Variants in ATIC observed in about 807,000 individuals in gnomAD.
ATIC encodes bifunctional purine biosynthesis protein ATIC.
A neutral mutation model predicts 72.5 loss-of-function variants in ATIC; 64 were observed. That is an observed-to-expected ratio of 0.88 (90% CI 0.72 to 1.09). The LOEUF (loss-of-function observed/expected upper bound fraction) is 1.09. Among genes scored for constraint, ATIC ranks in the 50% least tolerant of loss-of-function variants. ATIC has a pLI of 0.00. For synonymous variants in ATIC, 281 were observed against 267.1 expected, an observed-to-expected ratio of 1.05 and a Z score of -0.51; for missense variants, 787 against 732.4, an observed-to-expected ratio of 1.07 and a Z score of -0.86.
chr2:215,349,832 A>G (rs2053115848), downstream of ATIC: 1 of 1,153,588 alleles, frequency 8.7e-7, no homozygotes, highest in East Asian at 2.5e-5. Context: ...CATGACACAT[A>G]ACACATAAAT....
Position 215,326,024 on chromosome 2 carries a change from C to A in ATIC, c.417C>A (p.His139Gln), listed in dbSNP as rs775773173. Reference protein sequence around the residue: ...VTLLRAAAKNHARVTVVCEPE... With the variant: ...VTLLRAAAKNQARVTVVCEPE... ...TACTGAGAGCTGCAGCCAAAAACCA[C>A]GCTCGAGTGACAGTGGTGTGTGAAC... The change falls in exon 6 of 16, where the codon CAC becomes CAA. Residue 139 changes from histidine to glutamine, a missense_variant. Coordinates refer to ENST00000236959, the MANE Select transcript of ATIC (RefSeq NM_004044.7). 2 of 1,614,050 alleles carry A rather than the reference C, an allele frequency of 1.2e-6. No individual in the cohort carries two copies. Among genetic ancestry groups the A allele is most frequent in the East Asian group, 4.5e-5 (2 of 44,902 alleles).
intron 4 of ATIC, among the ~76,000 whole-genome samples, chr2:215,320,981 A>G (rs73087599): frequency 0.035 from 5,303 of 152,238 alleles, 298 homozygotes; most frequent in African/African-American, 0.12. Flanking sequence ...CCGTGACCCA[A>G]TCATCTCCCA....
chr2:215,342,257 T>G (rs540127920), intron 12 of ATIC, among the ~76,000 whole-genome samples: 2 of 152,326 alleles, frequency 1.3e-5, no homozygotes, highest in South Asian at 4.1e-4. Flanking sequence ...AGATTTATAG[T>G]TGATGACTCA....
At chr2:215,315,372 T>A (rs1271393104) in intron 2 of ATIC, among the ~76,000 whole-genome samples, 7 of 152,090 alleles carry the variant, frequency 4.6e-5, no homozygotes, top group African/African-American at 1.7e-4. Context: ...ATATATATAT[T>A]TTTTTAGAGG....
chr2:215,312,371 C>A (rs2052662791), intron 1 of ATIC, 127 bp from the exon 2 acceptor site: 5 of 1,555,220 alleles, frequency 3.2e-6, no homozygotes, highest in Non-Finnish European at 3.5e-6. Context: ...CCGGACCAGG[C>A]CTGCGAACGC....
the ATIC span, chr2:215,362,199 A>G: frequency 2.7e-6 from 2 of 727,680 alleles, no homozygotes; most frequent in Non-Finnish European, 2.5e-6. Context: ...TAAGCAGTTA[A>G]TCACTAAGCA....
At chr2:215,365,966 A>ATTTTTTTTTTTTTTTT in the ATIC span, among the ~76,000 whole-genome samples, 12 of 90,336 alleles carry the variant, frequency 1.3e-4, no homozygotes, top group Non-Finnish European at 2.0e-4. Context: ...CCACAGTGCT[A>ATTTTTTTTTTTTTTTT]TTTTTTTTTT....
In ATIC at chr2:215,349,218, C is replaced by A; in HGVS notation, c.1628C>A (p.Pro543His). Residue 543 changes from proline (P) to histidine (H), a missense_variant, in exon 15 of 16, where the codon CCT (proline) becomes CAT (histidine). By Grantham distance (77) the Pro-to-His change is moderately conservative. Coordinates refer to ENST00000236959, the MANE Select transcript of ATIC (RefSeq NM_004044.7). ...TCTATCAGCTCTGATGCCTTCTTCC[C>A]TTTCCGAGATAACGTAGACAGAGCT... ...EVSISSDAFFPFRDNVDRAKR... is the reference protein window; with the variant it reads ...EVSISSDAFFHFRDNVDRAKR... The A allele has an allele frequency of 6.2e-7, 1 of 1,614,102 alleles. No individual in the cohort carries two copies. Among genetic ancestry groups the A allele is most frequent in the Non-Finnish European group, 8.5e-7 (1 of 1,180,018 alleles).
At chr2:215,366,319 A>G in the ATIC span, among the ~76,000 whole-genome samples, 2 of 152,152 alleles carry the variant, frequency 1.3e-5, no homozygotes. Flanking sequence ...TTAGGAATAG[A>G]TCCTAGATGA....
chr2:215,366,608 C>T, the ATIC span, among the ~76,000 whole-genome samples: 8 of 152,176 alleles, frequency 5.3e-5, no homozygotes, highest in African/African-American at 1.2e-4. Flanking sequence ...AGGGCTTATA[C>T]AACAAAACAC....
chr2:215,316,761 A>G (rs1271481491), intron 2 of ATIC, among the ~76,000 whole-genome samples: 1 of 151,998 alleles, frequency 6.6e-6, no homozygotes, highest in East Asian at 1.9e-4. Context: ...ATTTATTTTT[A>G]TGTATTTATT....
intron 11 of ATIC, among the ~76,000 whole-genome samples, chr2:215,336,907 T>C (rs1429612425): frequency 6.6e-6 from 1 of 152,242 alleles, no homozygotes; most frequent in Non-Finnish European, 1.5e-5. Flanking sequence ...CCCAACACTT[T>C]TGTCAGCATT....
At chr2:215,359,899 T>C in the ATIC span, among the ~76,000 whole-genome samples, 2 of 152,200 alleles carry the variant, frequency 1.3e-5, no homozygotes, top group Admixed American at 6.5e-5. Flanking sequence ...TACTAATAAT[T>C]ATTTCCATTT....
At position 215,332,413 on chromosome 2, in the gene ATIC, G is replaced by A. The variant is rs1344306353; in HGVS notation, c.720G>A (p.Leu240=). ...VLNGAPGFIN[L]CDALNAWQLV... is the part of the protein sequence containing the mutation. Reference sequence around the variant, plus strand: ...ATGGAGCCCCTGGATTTATAAACTTGTGCGATGCTTTGAACGCCTGGCAGC... The same window carrying A: ...ATGGAGCCCCTGGATTTATAAACTTATGCGATGCTTTGAACGCCTGGCAGC... Residue 240 remains leucine, a synonymous_variant, in exon 8 of 16, where the codon TTG becomes TTA. Transcript: ENST00000236959. The A allele has an allele frequency of 6.2e-7, 1 of 1,613,896 alleles. No homozygotes were observed. Among genetic ancestry groups the A allele is most frequent in the East Asian group, 2.2e-5 (1 of 44,892 alleles).
the ATIC span, chr2:215,364,671 A>C: frequency 5.0e-6 from 3 of 602,714 alleles, no homozygotes; most frequent in South Asian, 5.8e-5. Flanking sequence ...CATTCTTTCT[A>C]CTAAGAGTAA....
chr2:215,353,716 C>G (rs2053147324), downstream of ATIC, among the ~76,000 whole-genome samples: 1 of 152,052 alleles, frequency 6.6e-6, no homozygotes, highest in Non-Finnish European at 1.5e-5. Flanking sequence ...TGCACGCCAC[C>G]ACACCCAGCT....
At chr2:215,312,319 G>T (rs746885102) in intron 1 of ATIC, 158 bp downstream of exon 1, 6 of 1,455,482 alleles carry the variant, frequency 4.1e-6, no homozygotes, top group South Asian at 1.3e-5. Context: ...CCTGCGTGGG[G>T]CCCGCCTTAG....
chr2:215,355,724 A>C, the ATIC span, among the ~76,000 whole-genome samples: 1 of 152,224 alleles, frequency 6.6e-6, no homozygotes, highest in African/African-American at 2.4e-5. Context: ...TTAAAGTATA[A>C]TTTTTATGCA....
the ATIC span, chr2:215,365,026 A>G: frequency 3.1e-6 from 4 of 1,283,776 alleles, no homozygotes; most frequent in Non-Finnish European, 4.4e-6. Flanking sequence ...TAAGCTGAGA[A>G]CAATACTGCA....
Sources: allele counts gnomAD v4.1 joint callset (sites outside exome capture counted in the v4.1 genomes callset), GRCh38; gene constraint gnomAD v4.1.1; transcripts MANE v1.5; gene names NCBI Gene and HGNC (gene_info 2026-07-23, HGNC 2026-07-21).